Variants in PPP2R5A observed in about 807,000 individuals in gnomAD.
The protein encoded by PPP2R5A is serine/threonine-protein phosphatase 2A 56 kDa regulatory subunit alpha isoform.
Under a neutral mutation model 64.2 loss-of-function variants are expected in PPP2R5A, and 25 were observed. The observed-to-expected ratio is 0.39, with a 90% CI of 0.28 to 0.54. The LOEUF is 0.54. Ranked by LOEUF, PPP2R5A falls within the 20% of genes least tolerant of loss-of-function variation. The pLI is 0.67. For missense variants in PPP2R5A, 425 were observed against 576.3 expected (o/e 0.74, Z 2.69); for synonymous variants, 198 against 201.2 (o/e 0.98, Z 0.13).
chr1:212,317,645 G>A (rs571270485), intron 1 of PPP2R5A, among the ~76,000 whole-genome samples: 7 of 151,852 alleles, frequency 4.6e-5, no homozygotes, highest in Admixed American at 1.3e-4. Flanking sequence ...CACCAATGGC[G>A]TGCAACCTAC....
chr1:212,354,049 T>G (rs1229722703), intron 8 of PPP2R5A, among the ~76,000 whole-genome samples: 1 of 152,032 alleles, frequency 6.6e-6, no homozygotes, highest in Non-Finnish European at 1.5e-5. Context: ...CTGAGCCTGG[T>G]GGCGGGCGCC....
intron 3 of PPP2R5A, among the ~76,000 whole-genome samples, chr1:212,341,957 T>C (rs1003103664): frequency 6.6e-6 from 1 of 152,152 alleles, no homozygotes; most frequent in African/African-American, 2.4e-5. Context: ...CAGGGTGGCC[T>C]CAAACTCCTG....
At chr1:212,352,226 A>G (rs761289404) in intron 8 of PPP2R5A, among the ~76,000 whole-genome samples, 4 of 151,520 alleles carry the variant, frequency 2.6e-5, no homozygotes, top group South Asian at 2.1e-4. Flanking sequence ...ATGGAGTTTC[A>G]TCATGTTGCC....
At chr1:212,318,134 T>TGA (rs1174929921) in intron 1 of PPP2R5A, among the ~76,000 whole-genome samples, 1 of 152,236 alleles carries the variant, frequency 6.6e-6, no homozygotes, top group East Asian at 1.9e-4. Flanking sequence ...GCCCTTGGCT[T>TGA]GAGGCCATGC....
chr1:212,323,891 G>GT (rs1190766378), intron 1 of PPP2R5A, among the ~76,000 whole-genome samples: 1 of 151,988 alleles, frequency 6.6e-6, no homozygotes, highest in African/African-American at 2.4e-5. Context: ...GACCAACATG[G>GT]TGAAACCCCG....
rs535180742 is a variant in PPP2R5A, at chr1:212,349,381, TA to T, written c.927+141del. The T allele has an allele frequency of 2.1e-4, 128 of 607,042 alleles. No homozygotes were observed. In the African/African-American group the frequency reaches 2.2e-3, roughly 11 times the overall value. The allele number at this position is 607,042 out of a possible 1,614,324, so 37.6% of individuals were successfully genotyped here. A position where few individuals can be genotyped will look rare whatever the true frequency, so the allele number is the denominator to read the frequency against. The stretch of plus-strand genomic sequence containing the variant: ...TCATTTAGAAGAAGAAATGTGAGAT[TA>T]ATCTACATTAAAAGAAGGGGTTAGG... On this transcript the variant is annotated intron_variant, in intron 8 of 12. Transcript: ENST00000261461.
chr1:212,318,980 A>C (rs1381194478), intron 1 of PPP2R5A, among the ~76,000 whole-genome samples: 1 of 152,180 alleles, frequency 6.6e-6, no homozygotes, highest in Non-Finnish European at 1.5e-5. Context: ...TATACTTATA[A>C]ATTTATGTGT....
At chr1:212,334,113 C>G (rs919648192) in intron 3 of PPP2R5A, 2 of 152,272 alleles carry the variant, frequency 1.3e-5, no homozygotes, top group Admixed American at 1.3e-4. Context: ...TACTTCATTC[C>G]TTTTTATGGA....
rs749071291 is a variant in PPP2R5A, at chr1:212,358,667, T to C, written c.1227-19T>C. On this transcript the variant is annotated intron_variant, in intron 11 of 12. Transcript: ENST00000261461. ...TGTTAGCAGTATCATAACTCAGGAC[T>C]GGCTCATTTTCATTTCAGGACCATT... is the stretch of plus-strand genomic sequence containing the variant. The C allele has an allele frequency of 1.7e-5, 26 of 1,570,534 alleles. No individual in the cohort carries two copies. The highest frequency in any genetic ancestry group is 2.2e-5 in the Non-Finnish European group (25 of 1,142,492).
intron 1 of PPP2R5A, among the ~76,000 whole-genome samples, chr1:212,322,256 A>AGAAGGAGAG (rs1659318029): frequency 6.0e-5 from 6 of 100,082 alleles, no homozygotes; most frequent in Non-Finnish European, 8.1e-5. Flanking sequence ...AGGGAGAGGG[A>AGAAGGAGAG]GAGGGAGAGG....
At chr1:212,293,632 A>G (rs922000553) in intron 1 of PPP2R5A, among the ~76,000 whole-genome samples, 17 of 152,186 alleles carry the variant, frequency 1.1e-4, no homozygotes, top group Non-Finnish European at 2.1e-4. Flanking sequence ...CTTTTAAGTA[A>G]GTAATGAAGA....
chr1:212,337,626 A>G (rs1418306091), intron 3 of PPP2R5A, among the ~76,000 whole-genome samples: 1 of 152,180 alleles, frequency 6.6e-6, no homozygotes, highest in Non-Finnish European at 1.5e-5. Context: ...CAAAAATAAA[A>G]AGGAATATCT....
In PPP2R5A at chr1:212,294,799, A is replaced by G. The variant is rs372042580; in HGVS notation, c.181+8508A>G. On this transcript the variant is annotated intron_variant, in intron 1 of 12. Transcript: ENST00000261461. ...AAAATGTTAAGGGAGTATGTGAAGGACTCAATCCCGTTTTAGTAGGGGAGG... is the reference window on the plus strand; with the variant it reads ...AAAATGTTAAGGGAGTATGTGAAGGGCTCAATCCCGTTTTAGTAGGGGAGG... Among the ~76,000 whole-genome samples the G allele has an allele frequency of 3.6e-4, 55 of 152,286 alleles. 2 individuals carry two copies. The South Asian group carries it at 0.011, about 30-fold the overall frequency.
Position 212,328,200 on chromosome 1 carries a change from C to T in PPP2R5A, c.182-935C>T, listed in dbSNP as rs1335343938. ...CAGTAAATACTATAACAGAGATATG[C>T]ACCTAAAACACATTTGGGTAAAAGT... On this transcript the variant is annotated intron_variant, in intron 1 of 12. Transcript: ENST00000261461. Among the ~76,000 whole-genome samples, 5 of 152,284 alleles carry T rather than the reference C, an allele frequency of 3.3e-5. No individual in the cohort carries two copies. The East Asian group carries it at 9.7e-4, about 29-fold the overall frequency.
chr1:212,321,599 G>C (rs1339415323), intron 1 of PPP2R5A, among the ~76,000 whole-genome samples: 1 of 144,962 alleles, frequency 6.9e-6, no homozygotes, highest in Non-Finnish European at 1.5e-5. Context: ...AGGGTGGCAG[G>C]GCAGAGGTGC....
chr1:212,324,581 A>G (rs958471833), intron 1 of PPP2R5A, among the ~76,000 whole-genome samples: 1 of 152,096 alleles, frequency 6.6e-6, no homozygotes, highest in Non-Finnish European at 1.5e-5. Context: ...TAGATTGTTG[A>G]TAAAAATGGT....
At chr1:212,359,905 G>C (rs1487537969) in intron 12 of PPP2R5A, among the ~76,000 whole-genome samples, 1 of 152,116 alleles carries the variant, frequency 6.6e-6, no homozygotes, top group Non-Finnish European at 1.5e-5. Context: ...ACATGACTAA[G>C]AATATACTCA....
In PPP2R5A at chr1:212,357,199, C is replaced by A; in HGVS notation, c.1141C>A (p.Leu381Ile). The change falls in exon 11 of 13, where the codon CTT becomes ATT. Residue 381 changes from leucine to isoleucine, a missense_variant. Transcript: ENST00000261461. The part of the protein sequence containing the change: ...ALYFWNNEYI[L>I]SLIEENIDKI... ...GTACTTCTGGAATAACGAATATATTCTTAGTTTGATTGAGGAGAACATTGA... is the reference window on the plus strand; with the variant it reads ...GTACTTCTGGAATAACGAATATATTATTAGTTTGATTGAGGAGAACATTGA... 1 of 1,591,530 alleles carries A rather than the reference C, an allele frequency of 6.3e-7. No individual in the cohort carries two copies. The highest frequency in any genetic ancestry group is 1.2e-5 in the South Asian group (1 of 86,058).
chr1:212,297,728 A>T (rs971064428), intron 1 of PPP2R5A: 2 of 152,102 alleles, frequency 1.3e-5, no homozygotes, highest in Non-Finnish European at 2.9e-5. Flanking sequence ...TCTCATTTTT[A>T]GGTAACCTAA....
Sources: gnomAD v4.1 joint callset for allele counts (sites outside exome capture counted in the v4.1 genomes callset) on GRCh38, gnomAD v4.1.1 for gene constraint, MANE v1.5 for transcripts, NCBI Gene and HGNC (gene_info 2026-07-23, HGNC 2026-07-21) for gene names.